Variants in DAB2IP observed in about 807,000 individuals in gnomAD.
DAB2IP encodes disabled homolog 2-interacting protein.
A neutral mutation model predicts 107.2 loss-of-function variants in DAB2IP; 28 were observed. The ratio of observed to expected loss-of-function variants is 0.26; its 90% confidence interval spans 0.19 to 0.36. The LOEUF is 0.36. DAB2IP is among the 10% of genes least tolerant of loss of function. The pLI is 1.00. For synonymous variants in DAB2IP, 755 were observed against 706.4 expected, an observed-to-expected ratio of 1.07 and a Z score of -1.09; for missense variants, 1,400 against 1,644.7, an observed-to-expected ratio of 0.85 and a Z score of 2.57.
At chr9:121,691,856 A>G (rs1564159570) in intron 2 of DAB2IP, among the ~76,000 whole-genome samples, 2 of 152,374 alleles carry the variant, frequency 1.3e-5, no homozygotes. Flanking sequence ...TTTCAGCTGT[A>G]CTGATGGGCA....
chr9:121,602,332 A>G (rs1830709699), intron 1 of DAB2IP, among the ~76,000 whole-genome samples: 1 of 151,930 alleles, frequency 6.6e-6, no homozygotes, highest in Admixed American at 6.6e-5. Flanking sequence ...GACCTGTGGC[A>G]CCCCCAAGAT....
At chr9:121,749,864 A>G (rs1589636724) in intron 3 of DAB2IP, among the ~76,000 whole-genome samples, 1 of 152,194 alleles carries the variant, frequency 6.6e-6, no homozygotes, top group Non-Finnish European at 1.5e-5. Context: ...TGGGAAGTCC[A>G]TATCTTGTCA....
rs958914029 is a variant in DAB2IP at position 121,656,254 on chromosome 9, C to T, written c.124+4355C>T. On this transcript the variant is annotated intron_variant, in intron 1 of 15. Coordinates refer to ENST00000408936, the Ensembl canonical transcript of DAB2IP. ...AACTCCCAGCCTCAGGTGATACACCCGCCTCGGCCTCCCAAAGTGCTGGGA... is the reference window on the plus strand; with the variant it reads ...AACTCCCAGCCTCAGGTGATACACCTGCCTCGGCCTCCCAAAGTGCTGGGA... 6.3e-4 allele frequency among the ~76,000 whole-genome samples: 96 copies of T among 151,914 alleles called. 1 individual carries two copies. The highest frequency in any genetic ancestry group is 1.0e-3 in the Non-Finnish European group (69 of 67,966).
At chr9:121,747,343 C>CT (rs10626616) in intron 3 of DAB2IP, among the ~76,000 whole-genome samples, 29,873 of 130,962 alleles carry the variant, frequency 0.23, 3,541 homozygotes, top group East Asian at 0.32. Context: ...TCCTTAGATG[C>CT]TTTTTTTTTT....
upstream of DAB2IP, among the ~76,000 whole-genome samples, chr9:121,646,692 T>C (rs913547723): frequency 1.3e-5 from 2 of 152,118 alleles, no homozygotes; most frequent in Admixed American, 6.5e-5. Context: ...TGGGGCCTAG[T>C]GTGGGCTCCG....
rs576704796 is a variant in DAB2IP at position 121,702,125 on chromosome 9, A to G, written c.362+2667A>G. The stretch of plus-strand genomic sequence containing the variant: ...TTGAGTTCTGACTTTGGATGAATCT[A>G]TCTGGTTTATATGGCTGCTGAAGAG... On this transcript the variant is annotated intron_variant, in intron 3 of 15. Transcript: ENST00000408936. The surrounding 1 kb of genome is among the most constrained non-coding windows in gnomAD (Gnocchi z 4.5). Among the ~76,000 whole-genome samples, 19 of 152,254 alleles carry G rather than the reference A, an allele frequency of 1.2e-4. No homozygotes were observed. Among genetic ancestry groups the G allele is most frequent in the Non-Finnish European group, 2.2e-4 (15 of 68,014 alleles).
chr9:121,663,899 A>G (rs574001626), intron 1 of DAB2IP, among the ~76,000 whole-genome samples: 21 of 152,296 alleles, frequency 1.4e-4, no homozygotes, highest in African/African-American at 4.6e-4. Context: ...AGATTCAGAG[A>G]TATCCGGGCT....
chr9:121,657,627 G>A (rs1833022827), intron 1 of DAB2IP, among the ~76,000 whole-genome samples: 1 of 152,104 alleles, frequency 6.6e-6, no homozygotes, highest in South Asian at 2.1e-4. Context: ...CCAGTCCACT[G>A]GACTCGAAAG....
chr9:121,779,128 T>C (rs1228638048), intron 14 of DAB2IP, among the ~76,000 whole-genome samples: 1 of 152,218 alleles, frequency 6.6e-6, no homozygotes, highest in Non-Finnish European at 1.5e-5. Flanking sequence ...TGTCTTCAAG[T>C]TTGCTAATTA....
At chr9:121,769,275 A>C (rs1157529829) in intron 10 of DAB2IP, among the ~76,000 whole-genome samples, 1 of 152,202 alleles carries the variant, frequency 6.6e-6, no homozygotes, top group East Asian at 1.9e-4. Context: ...AAGGCCCTTC[A>C]TGCCTCCTGG....
intron 3 of DAB2IP, among the ~76,000 whole-genome samples, chr9:121,705,301 G>T (rs745376747): frequency 6.6e-6 from 1 of 152,188 alleles, no homozygotes; most frequent in Non-Finnish European, 1.5e-5. Context: ...GAAGATGTGT[G>T]TACATTATAT....
At chr9:121,691,689 T>C (rs1829170840) in intron 2 of DAB2IP, among the ~76,000 whole-genome samples, 1 of 152,124 alleles carries the variant, frequency 6.6e-6, no homozygotes, top group Non-Finnish European at 1.5e-5. Context: ...GCATAGAAGG[T>C]TAAGTCATGA....
intron 3 of DAB2IP, chr9:121,752,085 G>A: frequency 2.1e-6 from 2 of 959,252 alleles, no homozygotes; most frequent in Non-Finnish European, 2.5e-6. Context: ...CAGCCACAGA[G>A]GGTAGGATGA....
At chr9:121,774,524 G>T (rs1835047703) in intron 13 of DAB2IP, 112 bp downstream of exon 13, 2 of 1,263,200 alleles carry the variant, frequency 1.6e-6, no homozygotes, top group Admixed American at 3.0e-5. Flanking sequence ...CCTTGTGAAG[G>T]GCCCGTCACC....
intron 1 of DAB2IP, among the ~76,000 whole-genome samples, chr9:121,606,627 G>T (rs1181049137): frequency 1.3e-5 from 2 of 152,102 alleles, no homozygotes; most frequent in Non-Finnish European, 2.9e-5. Flanking sequence ...CTTATTGACG[G>T]CTCCCAATTC....
At chr9:121,734,805 G>A (rs1237956755) in intron 3 of DAB2IP, among the ~76,000 whole-genome samples, 2 of 152,192 alleles carry the variant, frequency 1.3e-5, no homozygotes, top group Admixed American at 6.5e-5. Flanking sequence ...GATGTAGTTG[G>A]GTCAACTTGA....
rs1157102395 is a variant in DAB2IP at position 121,772,532 on chromosome 9, G to A, written c.2079-75G>A. 6.6e-7 allele frequency: 1 copy of A among 1,522,518 alleles called. No homozygotes were observed. The highest frequency in any genetic ancestry group is 1.3e-5 in the South Asian group (1 of 78,690). 94.3% of individuals were successfully genotyped at this position (1,522,518 alleles called of 1,614,324 possible). ...CCCGGCAGGTTGGCGGGTGCTGTCG[G>A]TTTGGACCCGCCTTGGCTGCACTCA... On this transcript the variant is annotated intron_variant, in intron 11 of 15. Transcript: ENST00000408936. This position sits in a 1 kb window ranked among gnomAD's most constrained non-coding sequence, Gnocchi z 4.7.
chr9:121,706,047 A>G (rs1484530264), intron 3 of DAB2IP, among the ~76,000 whole-genome samples: 1 of 152,152 alleles, frequency 6.6e-6, no homozygotes, highest in Admixed American at 6.5e-5. Context: ...GGGTGTGCTT[A>G]GCTTCTCTCT....
chr9:121,653,723 G>A (rs1589457373), intron 1 of DAB2IP, among the ~76,000 whole-genome samples: 1 of 151,984 alleles, frequency 6.6e-6, no homozygotes, highest in Non-Finnish European at 1.5e-5. Context: ...TGTAATGGGA[G>A]TCTCGCTCCT....
Sources: gnomAD v4.1 joint callset for allele counts (sites outside exome capture counted in the v4.1 genomes callset) on GRCh38, gnomAD v4.1.1 for gene constraint, Gnocchi (gnomAD v3.1) non-coding constraint, MANE v1.5 for transcripts, NCBI Gene and HGNC (gene_info 2026-07-23, HGNC 2026-07-21) for gene names.